The following TMEFF1 variants were observed in gnomAD, a reference collection of about 807,000 sequenced individuals.
The protein encoded by TMEFF1 is tomoregulin-1.
A neutral mutation model predicts 47.5 loss-of-function variants in TMEFF1; 20 were observed. That is an observed-to-expected ratio of 0.42 (90% CI 0.30 to 0.61). The LOEUF is 0.61. Among genes scored for constraint, TMEFF1 ranks in the 20% least tolerant of loss-of-function variants. TMEFF1 has a pLI of 0.19. For synonymous variants in TMEFF1, 162 were observed against 166.3 expected, an observed-to-expected ratio of 0.97 and a Z score of 0.20; for missense variants, 411 against 471.1, an observed-to-expected ratio of 0.87 and a Z score of 1.18.
chr9:100,502,111 A>G (rs767396813), intron 2 of TMEFF1, among the ~76,000 whole-genome samples: 10 of 152,296 alleles, frequency 6.6e-5, no homozygotes, highest in Admixed American at 3.9e-4. Context: ...GTGTATATAA[A>G]TTTGTTTAAT....
In TMEFF1 at chr9:100,523,542, G is replaced by A. The variant is rs114059522; in HGVS notation, c.560+6771G>A. Among the ~76,000 whole-genome samples, 912 of 152,282 alleles carry A rather than the reference G, an allele frequency of 6.0e-3. 9 individuals carry two copies. The highest frequency in any genetic ancestry group is 0.021 in the African/African-American group (853 of 41,548). ...AGGCCTTTATTATTCACTTAGAGCTGCTTACAGGGTGGTTGTAAGGATTTA... is the reference window on the plus strand; with the variant it reads ...AGGCCTTTATTATTCACTTAGAGCTACTTACAGGGTGGTTGTAAGGATTTA... On this transcript the variant is annotated intron_variant, in intron 5 of 9. Coordinates refer to ENST00000374879, the MANE Select transcript of TMEFF1 (RefSeq NM_003692.5).
rs528475803 is a variant in TMEFF1, at chr9:100,498,281, AAT to A, written c.197-482_197-481del. ...AGATTCACTGTTCTTTTGTAGTTAA[AAT>A]AGTTTGCCTAGAATGAATAATGATC... On this transcript the variant is annotated intron_variant, in intron 1 of 9. Coordinates refer to ENST00000374879, the MANE Select transcript of TMEFF1 (RefSeq NM_003692.5). Among the ~76,000 whole-genome samples the A allele has an allele frequency of 8.5e-5, 13 of 152,260 alleles. No individual in the cohort carries two copies. The South Asian group carries it at 2.7e-3, about 32-fold the overall frequency.
intron 7 of TMEFF1, among the ~76,000 whole-genome samples, chr9:100,556,312 C>T (rs1838913924): frequency 6.6e-6 from 1 of 152,132 alleles, no homozygotes; most frequent in Non-Finnish European, 1.5e-5. Flanking sequence ...CTCTTCGGAA[C>T]CCCCATCATT....
intron 1 of TMEFF1, among the ~76,000 whole-genome samples, chr9:100,475,502 G>T (rs1837206118): frequency 6.6e-6 from 1 of 152,130 alleles, no homozygotes; most frequent in African/African-American, 2.4e-5. Context: ...TATCAAACTT[G>T]TAAGTGATCG....
chr9:100,561,447 C>G lies in TMEFF1; in HGVS notation c.826C>G (p.Pro276Ala). 6.2e-7 allele frequency: 1 copy of G among 1,613,736 alleles called. No homozygotes were observed. Among genetic ancestry groups the G allele is most frequent in the Non-Finnish European group, 8.5e-7 (1 of 1,179,812 alleles). The change falls in exon 8 of 10, where the codon CCT becomes GCT. Residue 276 changes from proline to alanine, a missense_variant. By Grantham distance (27) the Pro-to-Ala change is conservative. Transcript: ENST00000374879. ...TTATATTGGAAACCACATGCCTTGC[C>G]CTGAAAACCTCAATGGTTACTGCAT... is the stretch of plus-strand genomic sequence containing the variant. The part of the protein sequence containing the change: ...DVYIGNHMPC[P>A]ENLNGYCIHG...
chr9:100,486,861 C>T (rs1330369609), intron 1 of TMEFF1, among the ~76,000 whole-genome samples: 28 of 152,206 alleles, frequency 1.8e-4, no homozygotes, highest in Non-Finnish European at 1.8e-4. Flanking sequence ...TGGTCTCGAA[C>T]TCCTGGGCTC....
chr9:100,498,909 ATTCTT>A (rs764165416), intron 2 of TMEFF1, 35 bp downstream of exon 2: 1 of 1,587,796 alleles, frequency 6.3e-7, no homozygotes, highest in South Asian at 1.1e-5. Context: ...AAAGTTTTAT[ATTCTT>A]CGTATTTTAT....
At chr9:100,516,874 G>T in intron 5 of TMEFF1, 103 bp downstream of exon 5, 1 of 1,386,344 alleles carries the variant, frequency 7.2e-7, no homozygotes, top group Non-Finnish European at 9.5e-7. Context: ...TCTTTTGTGT[G>T]TTTTCAAATT....
chr9:100,538,292 G>A (rs1208169563), intron 5 of TMEFF1, among the ~76,000 whole-genome samples: 1 of 152,186 alleles, frequency 6.6e-6, no homozygotes, highest in African/African-American at 2.4e-5. Flanking sequence ...TCTTGACCTT[G>A]TGATCCACCC....
intron 1 of TMEFF1, among the ~76,000 whole-genome samples, chr9:100,486,801 T>G (rs1837458378): frequency 6.6e-6 from 1 of 152,086 alleles, no homozygotes; most frequent in Non-Finnish European, 1.5e-5. Flanking sequence ...TCCAGCTAAT[T>G]TTTAAAAATT....
At chr9:100,474,564 A>G (rs1837187405) in intron 1 of TMEFF1, among the ~76,000 whole-genome samples, 1 of 151,842 alleles carries the variant, frequency 6.6e-6, no homozygotes, top group Non-Finnish European at 1.5e-5. Flanking sequence ...AAAGGGGAGG[A>G]GGCTTGGGAG....
At chr9:100,544,906 C>T (rs1261451585) in intron 5 of TMEFF1, among the ~76,000 whole-genome samples, 2 of 152,354 alleles carry the variant, frequency 1.3e-5, no homozygotes, top group East Asian at 1.9e-4. Context: ...AAATGATCTC[C>T]TTTGACTCCA....
intron 5 of TMEFF1, chr9:100,518,354 T>A: frequency 1.3e-6 from 1 of 785,190 alleles, no homozygotes; most frequent in Non-Finnish European, 1.5e-6. Context: ...GCAACTCTGT[T>A]GTGTTTACTA....
At chr9:100,529,387 A>T (rs1372191980) in intron 5 of TMEFF1, among the ~76,000 whole-genome samples, 2 of 149,720 alleles carry the variant, frequency 1.3e-5, no homozygotes, top group African/African-American at 2.5e-5. Flanking sequence ...AAATAAAAGG[A>T]TGGAGGAAGA....
intron 9 of TMEFF1, among the ~76,000 whole-genome samples, chr9:100,574,149 G>C (rs1230750700): frequency 6.6e-6 from 1 of 152,200 alleles, no homozygotes; most frequent in Non-Finnish European, 1.5e-5. Flanking sequence ...ATGGGAGCAG[G>C]GTTCAAACTT....
chr9:100,552,532 A>G (rs1381016263), intron 7 of TMEFF1, among the ~76,000 whole-genome samples: 1 of 152,190 alleles, frequency 6.6e-6, no homozygotes, highest in East Asian at 1.9e-4. Context: ...CATCCAGGTC[A>G]CTTTGTTCAG....
chr9:100,479,875 TA>T (rs1266035472), intron 1 of TMEFF1, among the ~76,000 whole-genome samples: 4 of 152,224 alleles, frequency 2.6e-5, no homozygotes, highest in African/African-American at 9.6e-5. Flanking sequence ...TTCTGTTGTG[TA>T]TGTATCTAGG....
rs36046142 is a variant in TMEFF1 at position 100,543,704 on chromosome 9, A to AACACACACAC, written c.561-4006_561-3997dup. 3.0e-3 allele frequency among the ~76,000 whole-genome samples: 413 copies of AACACACACAC among 138,926 alleles called. 2 individuals carry two copies. The highest frequency in any genetic ancestry group is 9.4e-3 in the African/African-American group (348 of 36,904). 91.1% of individuals were successfully genotyped at this position (138,926 alleles called of 152,430 possible). A position where few individuals can be genotyped will look rare whatever the true frequency, so the allele number is the denominator to read the frequency against. ...AACACTAACATAGCTGATGAAGTAA[A>AACACACACAC]ACACACACACACACACACACACACA... is the stretch of plus-strand genomic sequence containing the variant. On this transcript the variant is annotated intron_variant, in intron 5 of 9. Coordinates refer to ENST00000374879, the MANE Select transcript of TMEFF1 (RefSeq NM_003692.5).
chr9:100,491,035 A>G (rs1303188462), intron 1 of TMEFF1, among the ~76,000 whole-genome samples: 1 of 152,078 alleles, frequency 6.6e-6, no homozygotes, highest in Non-Finnish European at 1.5e-5. Flanking sequence ...TAGTCTGTGT[A>G]TATAGTTTTG....
Sources: gnomAD v4.1 joint callset for allele counts (sites outside exome capture counted in the v4.1 genomes callset) on GRCh38, gnomAD v4.1.1 for gene constraint, MANE v1.5 for transcripts, NCBI Gene and HGNC (gene_info 2026-07-23, HGNC 2026-07-21) for gene names.